The following DLG2 variants were observed in gnomAD, a reference collection of about 807,000 sequenced individuals.
DLG2 encodes the protein disks large homolog 2.
DLG2 carries 45 observed loss-of-function variants against 132.5 expected under a neutral mutation model. The ratio of observed to expected loss-of-function variants is 0.34; its 90% CI spans 0.27 to 0.44. The LOEUF (loss-of-function observed/expected upper bound fraction) is 0.44. Among genes scored for constraint, DLG2 ranks in the 20% least tolerant of loss-of-function variants. DLG2 has a pLI of 1.00. For synonymous variants in DLG2, 424 were observed against 419.6 expected, an observed-to-expected ratio of 1.01 and a Z score of -0.13; for missense variants, 1,045 against 1,196.9, an observed-to-expected ratio of 0.87 and a Z score of 1.87.
intron 19 of DLG2, among the ~76,000 whole-genome samples, chr11:83,592,659 A>G (rs2097207825): frequency 6.7e-6 from 1 of 150,176 alleles, no homozygotes; most frequent in Non-Finnish European, 1.5e-5. Flanking sequence ...TAATTAAACT[A>G]AAGAGCTTCT....
chr11:83,532,123 T>C (rs1016912089), intron 21 of DLG2, among the ~76,000 whole-genome samples: 1 of 152,114 alleles, frequency 6.6e-6, no homozygotes, highest in Non-Finnish European at 1.5e-5. Flanking sequence ...ATTGTATTTT[T>C]TAAGTGGTTG....
intron 4 of DLG2, among the ~76,000 whole-genome samples, chr11:85,162,798 T>C (rs554693640): frequency 6.6e-6 from 1 of 152,200 alleles, no homozygotes; most frequent in East Asian, 1.9e-4. Context: ...GTACGTGGGT[T>C]CAAGTTGACA....
intron 6 of DLG2, among the ~76,000 whole-genome samples, chr11:84,989,467 T>A (rs568344493): frequency 2.5e-4 from 38 of 152,274 alleles, no homozygotes; most frequent in Non-Finnish European, 5.0e-4. Flanking sequence ...TGAGCCACCA[T>A]GACTGGCCAT....
At chr11:84,337,062 T>C (rs113546490) in intron 7 of DLG2, among the ~76,000 whole-genome samples, 43 of 152,368 alleles carry the variant, frequency 2.8e-4, no homozygotes, top group African/African-American at 1.0e-3. Context: ...AGGATAACTT[T>C]CACTTTTATT....
chr11:84,052,442 C>A (rs571898758), intron 11 of DLG2, among the ~76,000 whole-genome samples: 2 of 151,758 alleles, frequency 1.3e-5, no homozygotes, highest in African/African-American at 4.8e-5. Context: ...TTTTTTTAAT[C>A]TGTCCATCTG....
intron 15 of DLG2, among the ~76,000 whole-genome samples, chr11:83,876,067 T>C (rs561244194): frequency 2.0e-5 from 3 of 152,316 alleles, no homozygotes; most frequent in East Asian, 3.9e-4. Context: ...ACTTGGACTA[T>C]GTAGCCAGAC....
intron 15 of DLG2, among the ~76,000 whole-genome samples, chr11:83,912,418 G>A (rs1229484090): frequency 6.6e-6 from 1 of 152,074 alleles, no homozygotes; most frequent in East Asian, 1.9e-4. Context: ...TTCAAACACA[G>A]TGTCTACCAA....
chr11:85,103,483 G>T (rs2071219055), intron 6 of DLG2, among the ~76,000 whole-genome samples: 1 of 151,938 alleles, frequency 6.6e-6, no homozygotes, highest in South Asian at 2.1e-4. Context: ...CAACAGAAGG[G>T]AAGGGACAAC....
chr11:83,921,339 C>G (rs114147312), intron 15 of DLG2, among the ~76,000 whole-genome samples: 3,787 of 152,198 alleles, frequency 0.025, 173 homozygotes, highest in African/African-American at 0.086. Flanking sequence ...AACTTCTGCT[C>G]AAATAAAATT....
chr11:84,551,319 A>C (rs368503638), intron 6 of DLG2, among the ~76,000 whole-genome samples: 1 of 152,202 alleles, frequency 6.6e-6, no homozygotes, highest in East Asian at 1.9e-4. Context: ...TACTTGATCT[A>C]GATGCTTAAT....
chr11:85,260,002 G>A (rs145139056), intron 4 of DLG2, among the ~76,000 whole-genome samples: 4 of 152,166 alleles, frequency 2.6e-5, no homozygotes, highest in Non-Finnish European at 4.4e-5. Flanking sequence ...AGGTACCCAG[G>A]GCAGATTCTC....
chr11:83,835,823 G>A (rs368093259), intron 16 of DLG2, among the ~76,000 whole-genome samples: 2 of 152,136 alleles, frequency 1.3e-5, no homozygotes, highest in Non-Finnish European at 2.9e-5. Flanking sequence ...ATGTATTTAG[G>A]TTCCTGGCAG....
intron 8 of DLG2, among the ~76,000 whole-genome samples, chr11:84,184,326 G>A (rs1192447410): frequency 2.6e-5 from 4 of 151,842 alleles, no homozygotes; most frequent in Admixed American, 6.6e-5. Context: ...CTGATGGCCA[G>A]TGATGATGAG....
chr11:84,896,614 A>G (rs2090219208), intron 6 of DLG2, among the ~76,000 whole-genome samples: 1 of 152,040 alleles, frequency 6.6e-6, no homozygotes, highest in Admixed American at 6.6e-5. Flanking sequence ...TGCATATGAA[A>G]ACAGCATAAA....
At position 84,479,287 on chromosome 11, in the gene DLG2, C is replaced by A. The variant is rs117078234; in HGVS notation, c.519+55283G>T. Among the ~76,000 whole-genome samples the A allele has an allele frequency of 2.0e-4, 31 of 152,138 alleles. 1 individual carries two copies. The East Asian group carries it at 6.0e-3, about 29-fold the overall frequency. ...ATTAGATAAATACCCTTAACTGGTA[C>A]AAACTATTTCTCTTAGGTTTGAGTC... On this transcript the variant is annotated intron_variant, in intron 7 of 27. Coordinates refer to ENST00000376104, the MANE Select transcript of DLG2 (RefSeq NM_001142699.3).
intron 6 of DLG2, among the ~76,000 whole-genome samples, chr11:85,068,187 C>T (rs1029884462): frequency 3.9e-5 from 6 of 152,120 alleles, no homozygotes; most frequent in African/African-American, 1.4e-4. Context: ...AAACCCACAG[C>T]CAATATCATA....
At chr11:83,742,304 T>C (rs1029904139) in intron 18 of DLG2, among the ~76,000 whole-genome samples, 8 of 151,652 alleles carry the variant, frequency 5.3e-5, no homozygotes, top group South Asian at 2.1e-4. Context: ...ATATCATAAC[T>C]ATGTATATGA....
intron 3 of DLG2, among the ~76,000 whole-genome samples, chr11:85,318,597 G>T (rs2080847585): frequency 6.6e-6 from 1 of 151,690 alleles, no homozygotes; most frequent in Non-Finnish European, 1.5e-5. Flanking sequence ...GAAATGTAAG[G>T]GAAGGGAAAG....
chr11:84,442,515 C>A (rs969448485), intron 7 of DLG2, among the ~76,000 whole-genome samples: 3 of 151,984 alleles, frequency 2.0e-5, no homozygotes, highest in Non-Finnish European at 4.4e-5. Flanking sequence ...ACATCACACA[C>A]TGAGGCCTGT....
Sources: gnomAD v4.1 joint callset for allele counts (sites outside exome capture counted in the v4.1 genomes callset) on GRCh38, gnomAD v4.1.1 for gene constraint, MANE v1.5 for transcripts, NCBI Gene and HGNC (gene_info 2026-07-23, HGNC 2026-07-21) for gene names.